The following SPPL3 variants were observed in gnomAD, a reference collection of about 807,000 sequenced individuals.
SPPL3 encodes signal peptide peptidase-like 3.
A neutral mutation model predicts 42.4 loss-of-function variants in SPPL3; 5 were observed. The observed-to-expected ratio is 0.12, with a 90% CI of 0.06 to 0.25. SPPL3 has a LOEUF of 0.25. Ranked by LOEUF, SPPL3 falls within the 10% of genes least tolerant of loss-of-function variation. SPPL3 has a pLI of 1.00. For synonymous variants in SPPL3, 195 were observed against 181.8 expected (o/e 1.07, Z -0.58); for missense variants, 235 against 489.0 (o/e 0.48, Z 4.90).
At chr12:120,843,290 C>A (rs1336889686) in intron 1 of SPPL3, among the ~76,000 whole-genome samples, 5 of 152,208 alleles carry the variant, frequency 3.3e-5, no homozygotes, top group African/African-American at 1.2e-4. Flanking sequence ...ATTCTTGATA[C>A]AATCTTTTGT....
intron 1 of SPPL3, among the ~76,000 whole-genome samples, chr12:120,852,410 CAT>C (rs1374993436): frequency 3.1e-5 from 1 of 32,504 alleles, no homozygotes; most frequent in East Asian, 1.0e-3. Context: ...GAAATATATG[CAT>C]ATATAATATA....
chr12:120,818,017 A>G (rs927022589), intron 1 of SPPL3, among the ~76,000 whole-genome samples: 1 of 152,194 alleles, frequency 6.6e-6, no homozygotes, highest in Admixed American at 6.5e-5. Context: ...GGCCAATAAT[A>G]GGAAATCAAA....
intron 2 of SPPL3, among the ~76,000 whole-genome samples, chr12:120,806,647 G>C (rs1870502884): frequency 6.6e-6 from 1 of 152,008 alleles, no homozygotes; most frequent in Non-Finnish European, 1.5e-5. Flanking sequence ...AGGAGATCGA[G>C]ACCATCTTGG....
chr12:120,884,661 TTTCTA>T (rs1313163409), intron 1 of SPPL3, among the ~76,000 whole-genome samples: 1 of 151,886 alleles, frequency 6.6e-6, no homozygotes, highest in Non-Finnish European at 1.5e-5. Flanking sequence ...GTGGGTAGTT[TTTCTA>T]TTCTTTTTGT....
rs1868728059 is a variant in SPPL3, at chr12:120,763,053, T to C, written c.*1946A>G. On this transcript the variant is annotated 3_prime_UTR_variant, in exon 11 of 11. Coordinates refer to ENST00000353487, the MANE Select transcript of SPPL3 (RefSeq NM_139015.5). ...TCTTCACCCAATGCAGAGGCAGTTT[T>C]GAGTTCTGTGGACAGCAGAAGCTTC... 1 of 152,260 alleles carries C rather than the reference T, an allele frequency of 6.6e-6. No homozygotes were observed. The highest frequency in any genetic ancestry group is 1.5e-5 in the Non-Finnish European group (1 of 68,128). The allele number at this position is 152,260 out of a possible 1,614,324, so 9.4% of individuals were successfully genotyped here. A position where few individuals can be genotyped will look rare whatever the true frequency, so the allele number is the denominator to read the frequency against.
chr12:120,812,985 T>C (rs1024818175), intron 1 of SPPL3, among the ~76,000 whole-genome samples: 7 of 152,170 alleles, frequency 4.6e-5, no homozygotes, highest in Non-Finnish European at 7.3e-5. Flanking sequence ...GAGTGACCAC[T>C]GGGTAAAGTG....
rs560301106 is a variant in SPPL3 at position 120,786,150 on chromosome 12, T to C, written c.191-1557A>G. 4.6e-5 allele frequency among the ~76,000 whole-genome samples: 7 copies of C among 152,332 alleles called. No homozygotes were observed. The South Asian group carries it at 8.3e-4, about 18-fold the overall frequency. On this transcript the variant is annotated intron_variant, in intron 3 of 10. Transcript: ENST00000353487. The stretch of plus-strand genomic sequence containing the variant: ...ATGAGTGAAGTAATTCACTTAGGAA[T>C]AGGACAATTCAATTTAGGAAAAGTG...
intron 2 of SPPL3, among the ~76,000 whole-genome samples, chr12:120,792,186 T>C (rs1869939283): frequency 6.6e-6 from 1 of 152,204 alleles, no homozygotes; most frequent in African/African-American, 2.4e-5. Flanking sequence ...TTTGAAATTT[T>C]AGACAGGATG....
At chr12:120,772,762 G>A (rs1249919709) in intron 6 of SPPL3, among the ~76,000 whole-genome samples, 1 of 152,090 alleles carries the variant, frequency 6.6e-6, no homozygotes, top group African/African-American at 2.4e-5. Flanking sequence ...AGGAGAAAAA[G>A]CTGCCTCATC....
intron 9 of SPPL3, among the ~76,000 whole-genome samples, chr12:120,766,982 CCTACACATGAGCTGG>C (rs1395384819): frequency 6.6e-6 from 1 of 152,190 alleles, no homozygotes; most frequent in East Asian, 1.9e-4. Context: ...CTCCTGTCTG[CCTACACATGAGCTGG>C]CTACAAAACT....
At chr12:120,862,764 T>C (rs1366753669) in intron 1 of SPPL3, among the ~76,000 whole-genome samples, 3 of 152,142 alleles carry the variant, frequency 2.0e-5, no homozygotes, top group African/African-American at 7.2e-5. Context: ...ATTAAATCAC[T>C]GGCCTTTCCT....
chr12:120,773,697 T>A (rs1270913101), intron 6 of SPPL3, among the ~76,000 whole-genome samples: 1 of 152,206 alleles, frequency 6.6e-6, no homozygotes, highest in Non-Finnish European at 1.5e-5. Flanking sequence ...CAAGCTTGGC[T>A]CACGGCAACC....
At chr12:120,779,595 G>T (rs1459215801) in intron 6 of SPPL3, among the ~76,000 whole-genome samples, 1 of 152,092 alleles carries the variant, frequency 6.6e-6, no homozygotes. Flanking sequence ...CCCTTTTAAA[G>T]AATTTTACTT....
At chr12:120,767,973 G>C (rs1310275259) in intron 8 of SPPL3, among the ~76,000 whole-genome samples, 1 of 152,206 alleles carries the variant, frequency 6.6e-6, no homozygotes, top group African/African-American at 2.4e-5. Context: ...ATTCTGCCAA[G>C]ATTATATTAC....
chr12:120,883,606 A>G (rs1873359128), intron 1 of SPPL3, among the ~76,000 whole-genome samples: 1 of 152,212 alleles, frequency 6.6e-6, no homozygotes, highest in African/African-American at 2.4e-5. Flanking sequence ...TGGAAACTAA[A>G]TATTTATCAG....
chr12:120,875,995 A>G (rs182241470), intron 1 of SPPL3, among the ~76,000 whole-genome samples: 54 of 147,174 alleles, frequency 3.7e-4, no homozygotes, highest in African/African-American at 1.3e-3. Context: ...CAAAATGATT[A>G]GTGATTGGCA....
chr12:120,785,335 A>C (rs1468467887), intron 3 of SPPL3, among the ~76,000 whole-genome samples: 1 of 152,144 alleles, frequency 6.6e-6, no homozygotes, highest in Non-Finnish European at 1.5e-5. Flanking sequence ...CTCTTGGGCT[A>C]GAGTAGGATT....
chr12:120,835,724 G>C (rs1871597824), intron 1 of SPPL3: 1 of 152,176 alleles, frequency 6.6e-6, no homozygotes, highest in Non-Finnish European at 1.5e-5. Context: ...CGGTATTACA[G>C]AATTCTGGCA....
Position 120,846,933 on chromosome 12 carries a change from T to C in SPPL3, c.24-36047A>G, listed in dbSNP as rs538308716. Among the ~76,000 whole-genome samples, 16 of 152,308 alleles carry C rather than the reference T, an allele frequency of 1.1e-4. No individual in the cohort carries two copies. In the South Asian group the frequency reaches 3.3e-3, roughly 32 times the overall value. On this transcript the variant is annotated intron_variant, in intron 1 of 10. Transcript: ENST00000353487. ...TCAGGCCCTCATCTGGGTGTTTATA[T>C]TGTGACAGCAAACTCTGTGGTTAAG...
Sources: allele counts gnomAD v4.1 joint callset (sites outside exome capture counted in the v4.1 genomes callset), GRCh38; gene constraint gnomAD v4.1.1; transcripts MANE v1.5; gene names NCBI Gene and HGNC (gene_info 2026-07-23, HGNC 2026-07-21).